Variants in TRPM6 observed in about 807,000 individuals in gnomAD.
TRPM6 encodes the protein channel kinase 2.
Under a neutral mutation model 247.6 loss-of-function variants are expected in TRPM6, and 111 were observed. The ratio of observed to expected loss-of-function variants is 0.45; its 90% CI spans 0.38 to 0.52. The LOEUF is 0.52. Among genes scored for constraint, TRPM6 ranks in the 20% least tolerant of loss-of-function variants. The pLI is 0.00. For synonymous variants in TRPM6, 892 were observed against 853.8 expected (o/e 1.04, Z -0.78); for missense variants, 2,126 against 2,421.5 (o/e 0.88, Z 2.56).
chr9:74,839,790 G>A (rs1829854296), intron 5 of TRPM6, among the ~76,000 whole-genome samples: 1 of 150,758 alleles, frequency 6.6e-6, no homozygotes, highest in Non-Finnish European at 1.5e-5. Context: ...GTGCTACAGA[G>A]CAGAGATTAT....
intron 4 of TRPM6, among the ~76,000 whole-genome samples, chr9:74,840,543 G>C (rs113607577): frequency 0.032 from 4,896 of 152,246 alleles, 255 homozygotes; most frequent in African/African-American, 0.11. Flanking sequence ...GGCAGGGTGC[G>C]GTGGCTCACG....
At position 74,867,236 on chromosome 9, in the gene TRPM6, TAC is replaced by T. The variant is rs149507170; in HGVS notation, c.34-8490_34-8489del. On this transcript the variant is annotated intron_variant, in intron 1 of 38. Coordinates refer to ENST00000360774, the MANE Select transcript of TRPM6 (RefSeq NM_017662.5). ...ATGTACCCTTGGGAAAACTCCACTG[TAC>T]ACTCATGAGAAAATATGTCAAAAGG... Among the ~76,000 whole-genome samples the T allele has an allele frequency of 4.3e-3, 656 of 152,324 alleles. 4 individuals are homozygous for T. The highest frequency in any genetic ancestry group is 0.015 in the African/African-American group (614 of 41,576).
intron 6 of TRPM6, among the ~76,000 whole-genome samples, chr9:74,832,466 T>C (rs1829579493): frequency 6.6e-6 from 1 of 152,218 alleles, no homozygotes; most frequent in African/African-American, 2.4e-5. Context: ...GGATAGTCAG[T>C]GATACTCAGA....
At chr9:74,875,078 T>C (rs967993283) in intron 1 of TRPM6, among the ~76,000 whole-genome samples, 2 of 152,098 alleles carry the variant, frequency 1.3e-5, no homozygotes, top group Non-Finnish European at 2.9e-5. Flanking sequence ...AATTGTATTA[T>C]AAGAAGGAAT....
intron 18 of TRPM6, among the ~76,000 whole-genome samples, chr9:74,794,004 A>C (rs1034379766): frequency 2.0e-5 from 3 of 152,170 alleles, no homozygotes; most frequent in African/African-American, 7.2e-5. Flanking sequence ...GGAAGAGAAA[A>C]GAAAAGAGAA....
Position 74,802,300 on chromosome 9 carries a change from A to G in TRPM6, c.1732-125T>C, listed in dbSNP as rs1388686201. On this transcript the variant is annotated intron_variant, in intron 15 of 38. Transcript: ENST00000360774. ...CTACTAAAAAAGAGATGGAAATAAT[A>G]ATAAGATTTTACAAGCCAGCAAGCA... The G allele has an allele frequency of 3.3e-6, 3 of 904,214 alleles. No individual in the cohort carries two copies. In the Admixed American group the frequency reaches 7.4e-5, roughly 22 times the overall value. The allele number at this position is 904,214 out of a possible 1,614,324, so 56.0% of individuals were successfully genotyped here.
At chr9:74,887,300 G>A in intron 1 of TRPM6, 2 of 1,371,200 alleles carry the variant, frequency 1.5e-6, no homozygotes, top group Non-Finnish European at 1.9e-6. Context: ...ACGCGCAGGG[G>A]CGCGGAGGGA....
At chr9:74,870,446 T>G (rs1830984907) in intron 1 of TRPM6, among the ~76,000 whole-genome samples, 1 of 151,918 alleles carries the variant, frequency 6.6e-6, no homozygotes, top group Admixed American at 6.6e-5. Context: ...CAAGCTATAA[T>G]GAAAGGAAAA....
chr9:74,739,514 A>T, intron 34 of TRPM6, 65 bp from the exon 35 acceptor site: 1 of 1,549,424 alleles, frequency 6.5e-7, no homozygotes, highest in East Asian at 2.2e-5. Context: ...TCATGAAATT[A>T]CTATAGGCTA....
intron 6 of TRPM6, among the ~76,000 whole-genome samples, chr9:74,830,268 T>C (rs1225342341): frequency 6.6e-6 from 1 of 152,120 alleles, no homozygotes. Flanking sequence ...TTAGGTATTA[T>C]TTTATACCTT....
Position 74,842,839 on chromosome 9 carries a change from C to T in TRPM6, c.153-496G>A, listed in dbSNP as rs372295482. Reference sequence around the variant, plus strand: ...AATCTATGTGCTGGTGAAGGGTCTTCTCTCAATGTTGATGGTTGCTAACTG... The same window carrying T: ...AATCTATGTGCTGGTGAAGGGTCTTTTCTCAATGTTGATGGTTGCTAACTG... On this transcript the variant is annotated intron_variant, in intron 3 of 38. Coordinates refer to ENST00000360774, the MANE Select transcript of TRPM6 (RefSeq NM_017662.5). Among the ~76,000 whole-genome samples, 19 of 152,318 alleles carry T rather than the reference C, an allele frequency of 1.2e-4. No individual in the cohort carries two copies. In the East Asian group the frequency reaches 3.1e-3, roughly 25 times the overall value.
chr9:74,866,986 C>T lies in TRPM6; in HGVS notation c.34-8238G>A, dbSNP rs1234547543. ...CATTTTAACCTGTTACATGCTAACA[C>T]AAAAATTTTCCAAAAAAGTTCATAA... is the stretch of plus-strand genomic sequence containing the variant. On this transcript the variant is annotated intron_variant, in intron 1 of 38. Coordinates refer to ENST00000360774, the MANE Select transcript of TRPM6 (RefSeq NM_017662.5). 5.9e-5 allele frequency among the ~76,000 whole-genome samples: 9 copies of T among 152,130 alleles called. 1 individual carries two copies. The South Asian group carries it at 1.7e-3, about 28-fold the overall frequency.
intron 27 of TRPM6, among the ~76,000 whole-genome samples, chr9:74,756,327 A>T (rs1191146629): frequency 6.6e-6 from 1 of 152,036 alleles, no homozygotes; most frequent in Non-Finnish European, 1.5e-5. Flanking sequence ...TTTTTAATGC[A>T]TCCAGATTAT....
At position 74,788,644 on chromosome 9, in the gene TRPM6, G is replaced by T. The variant is rs762577892; in HGVS notation, c.2637C>A (p.Ile879=). Residue 879 remains isoleucine (I), a synonymous_variant, in exon 20 of 39, where the codon ATC becomes ATA. Coordinates refer to ENST00000360774, the MANE Select transcript of TRPM6 (RefSeq NM_017662.5). The stretch of plus-strand genomic sequence containing the variant: ...TGACCACCTCAATAGCATTGGTGAA[G>T]ATGTAAATGCTAACAAGCCACTCCT... The part of the protein sequence containing the change: ...SVQEWLVSIY[I]FTNAIEVVRE... The T allele has an allele frequency of 1.2e-6, 2 of 1,613,976 alleles. No individual in the cohort carries two copies. Among genetic ancestry groups the T allele is most frequent in the South Asian group, 1.1e-5 (1 of 91,076 alleles).
At chr9:74,810,916 G>A (rs1481140710) in intron 12 of TRPM6, 48 bp from the exon 13 acceptor site, 1 of 1,508,670 alleles carries the variant, frequency 6.6e-7, no homozygotes, top group Admixed American at 1.7e-5. Flanking sequence ...ATTACCATGT[G>A]CTGGGGGGTA....
At chr9:74,883,187 G>A (rs1262672824) in intron 1 of TRPM6, among the ~76,000 whole-genome samples, 1 of 152,080 alleles carries the variant, frequency 6.6e-6, no homozygotes, top group Non-Finnish European at 1.5e-5. Context: ...GCATGTGTCA[G>A]AATTTCCCTC....
At chr9:74,729,328 G>A (rs1288207864) in intron 37 of TRPM6, among the ~76,000 whole-genome samples, 2 of 152,164 alleles carry the variant, frequency 1.3e-5, no homozygotes, top group South Asian at 2.1e-4. Flanking sequence ...TTTCAAAAGG[G>A]ACGTGGTGTA....
chr9:74,823,966 C>T (rs1287797638), intron 7 of TRPM6, among the ~76,000 whole-genome samples: 1 of 151,828 alleles, frequency 6.6e-6, no homozygotes, highest in African/African-American at 2.4e-5. Context: ...TGAAAATATA[C>T]ATATGAAAAG....
intron 24 of TRPM6, 57 bp from the exon 25 acceptor site, chr9:74,771,892 G>A: frequency 6.5e-7 from 1 of 1,539,890 alleles, no homozygotes; most frequent in East Asian, 2.2e-5. Flanking sequence ...GGGCATGAGT[G>A]GCTTTTCTTC....
Sources: allele counts gnomAD v4.1 joint callset (sites outside exome capture counted in the v4.1 genomes callset), GRCh38; gene constraint gnomAD v4.1.1; transcripts MANE v1.5; gene names NCBI Gene and HGNC (gene_info 2026-07-23, HGNC 2026-07-21).